The following ZNF160 variants were observed in gnomAD, a reference collection of about 807,000 sequenced individuals.
The protein encoded by ZNF160 is KRAB zinc finger protein KR18.
Under a neutral mutation model 13.1 loss-of-function variants are expected in ZNF160, and 9 were observed. The ratio of observed to expected loss-of-function variants is 0.69; its 90% CI spans 0.41 to 1.20. The LOEUF is 1.20. ZNF160 is among the 50% of genes most tolerant of loss of function. ZNF160 has a pLI of 0.01. For missense variants in ZNF160, 838 were observed against 988.0 expected (o/e 0.85, Z 2.04); for synonymous variants, 293 against 333.2 (o/e 0.88, Z 1.31).
Position 53,070,148 on chromosome 19 carries a change from A to G in ZNF160, c.386T>C (p.Phe129Ser), listed in dbSNP as rs774610872. Residue 129 changes from phenylalanine (F) to serine (S), a missense_variant, in exon 6 of 6, where the codon TTT becomes TCT. Physicochemically the swap from Phe to Ser is radical, Grantham distance 155. Coordinates refer to ENST00000683776, the MANE Select transcript of ZNF160 (RefSeq NM_001322131.2). ...ATTTTTCTGGGGTTCCTTGAAGGAA[A>G]AGTCTTCAATGTCAGGGCTTTCGTG... is the stretch of plus-strand genomic sequence containing the variant. Reference protein sequence around the residue: ...ERHESPDIEDFSFKEPQKNVH... With the variant: ...ERHESPDIEDSSFKEPQKNVH... 1.7e-5 allele frequency: 28 copies of G among 1,614,008 alleles called. No homozygotes were observed. The highest frequency in any genetic ancestry group is 3.4e-6 in the Non-Finnish European group (4 of 1,180,040).
Position 53,074,170 on chromosome 19 carries a change from T to A in ZNF160, c.241A>T (p.Thr81Ser). Residue 81 changes from threonine to serine, a missense_variant, in exon 5 of 6, where the codon ACG (threonine) becomes TCG (serine). Coordinates refer to ENST00000683776, the MANE Select transcript of ZNF160 (RefSeq NM_001322131.2). ...SCVKIARKPR[T>S]PECVKGVVTD... ...ACCACGCCTTTGACACATTCCGGCG[T>A]TCTTGGTTTTCTTGCTATTTTCACA... 1 of 1,613,994 alleles carries A rather than the reference T, an allele frequency of 6.2e-7. No homozygotes were observed. Among genetic ancestry groups the A allele is most frequent in the Non-Finnish European group, 8.5e-7 (1 of 1,179,980 alleles).
chr19:53,084,268 C>A (rs549923313), intron 3 of ZNF160, among the ~76,000 whole-genome samples: 23 of 152,354 alleles, frequency 1.5e-4, no homozygotes, highest in Admixed American at 9.8e-4. Context: ...CACCTGCTCG[C>A]TTCCTCTCCT....
chr19:53,070,930 G>C (rs2084147780), intron 5 of ZNF160, among the ~76,000 whole-genome samples: 3 of 151,974 alleles, frequency 2.0e-5, no homozygotes, highest in Middle Eastern at 3.2e-3. Context: ...AGGTGTGGTG[G>C]CTTATGCCTG....
At chr19:53,088,605 C>T (rs544243641) in intron 2 of ZNF160, among the ~76,000 whole-genome samples, 9 of 151,626 alleles carry the variant, frequency 5.9e-5, no homozygotes, top group African/African-American at 1.2e-4. Flanking sequence ...GTACTTATTA[C>T]AGAGGGAAAT....
chr19:53,083,997 T>G (rs2084733922), intron 3 of ZNF160, among the ~76,000 whole-genome samples: 1 of 152,142 alleles, frequency 6.6e-6, no homozygotes. Context: ...CTTATAACCT[T>G]TTACCTCCCC....
intron 5 of ZNF160, 52 bp downstream of exon 5, chr19:53,074,088 T>C: frequency 6.3e-7 from 1 of 1,581,748 alleles, no homozygotes; most frequent in Admixed American, 1.7e-5. Context: ...CTGTGCCCCC[T>C]CCCACACTCT....
intron 3 of ZNF160, chr19:53,075,530 G>A (rs1339284771): frequency 2.3e-5 from 8 of 350,892 alleles, no homozygotes; most frequent in Admixed American, 4.0e-5. Flanking sequence ...CTGTCCTCTC[G>A]GGAGGACAGA....
In ZNF160 at chr19:53,068,694, T is replaced by C. The variant is rs1224043302; in HGVS notation, c.1840A>G (p.Ile614Val). 1.1e-5 allele frequency: 17 copies of C among 1,614,094 alleles called. No individual in the cohort carries two copies. The highest frequency in any genetic ancestry group is 1.3e-5 in the African/African-American group (1 of 74,946). The change falls in exon 6 of 6, where the codon ATA becomes GTA. Residue 614 changes from isoleucine to valine, a missense_variant. By Grantham distance (29) the Ile-to-Val change is conservative. Coordinates refer to ENST00000683776, the MANE Select transcript of ZNF160 (RefSeq NM_001322131.2). ...DRSSLTFHQA[I>V]HTGEKPYKCH... ...TTGTAAGGTTTCTCTCCAGTATGTA[T>C]TGCCTGATGAAAAGTTAGGCTTGAA...
chr19:53,068,237 C>T lies in ZNF160; in HGVS notation c.2297G>A (p.Cys766Tyr). ...TGEKPYRCTE[C>Y]GKAFRVRSSL... is the part of the protein sequence containing the mutation. ...TGATCTTACCCTAAAGGCTTTCCCA[C>T]ACTCTGTACACCTGTAAGGTTTCTC... The change falls in exon 6 of 6, where the codon TGT (cysteine) becomes TAT (tyrosine). Residue 766 changes from cysteine (C) to tyrosine (Y), a missense_variant. Cys to Tyr is a radical substitution (Grantham distance 194). Coordinates refer to ENST00000683776, the MANE Select transcript of ZNF160 (RefSeq NM_001322131.2). The T allele has an allele frequency of 6.2e-7, 1 of 1,614,180 alleles. No homozygotes were observed. The highest frequency in any genetic ancestry group is 8.5e-7 in the Non-Finnish European group (1 of 1,180,012).
chr19:53,076,028 C>A, intron 3 of ZNF160: 1 of 221,466 alleles, frequency 4.5e-6, no homozygotes, highest in Non-Finnish European at 9.3e-6. Flanking sequence ...GAGGAAAACC[C>A]AATACATCCA....
intron 5 of ZNF160, among the ~76,000 whole-genome samples, chr19:53,072,590 G>A (rs1004869885): frequency 6.6e-6 from 1 of 152,160 alleles, no homozygotes; most frequent in Non-Finnish European, 1.5e-5. Flanking sequence ...AGTGGCTCAT[G>A]TCTGTAATCC....
At chr19:53,088,706 A>C (rs2084932058) in intron 2 of ZNF160, among the ~76,000 whole-genome samples, 1 of 152,092 alleles carries the variant, frequency 6.6e-6, no homozygotes, top group Admixed American at 6.6e-5. Flanking sequence ...GAGAGGAAAA[A>C]AATTGTTCAT....
chr19:53,093,411 C>A (rs1228753304), intron 1 of ZNF160, among the ~76,000 whole-genome samples: 2 of 151,642 alleles, frequency 1.3e-5, no homozygotes, highest in African/African-American at 4.9e-5. Context: ...TGCACTCCAG[C>A]CTGGGCAACA....
At chr19:53,097,657 T>G (rs2085287858) in intron 1 of ZNF160, among the ~76,000 whole-genome samples, 1 of 152,200 alleles carries the variant, frequency 6.6e-6, no homozygotes, top group African/African-American at 2.4e-5. Flanking sequence ...AATGATGCAA[T>G]TAGACCCCAA....
At chr19:53,076,564 A>T (rs2084398642) in intron 3 of ZNF160, among the ~76,000 whole-genome samples, 1 of 152,116 alleles carries the variant, frequency 6.6e-6, no homozygotes, top group Non-Finnish European at 1.5e-5. Flanking sequence ...ACTTAAACCC[A>T]GGAGGTAGAA....
intron 3 of ZNF160, among the ~76,000 whole-genome samples, chr19:53,084,087 G>A (rs1048972960): frequency 6.6e-6 from 1 of 151,842 alleles, no homozygotes; most frequent in African/African-American, 2.4e-5. Flanking sequence ...TTGCCAGGAG[G>A]TTACCTCGAG....
At chr19:53,074,319 C>G in intron 4 of ZNF160, 51 bp from the exon 5 acceptor site, 1 of 1,605,786 alleles carries the variant, frequency 6.2e-7, no homozygotes, top group Non-Finnish European at 8.5e-7. Flanking sequence ...TCCAGAATCC[C>G]AGCCCTATGT....
intron 2 of ZNF160, among the ~76,000 whole-genome samples, chr19:53,087,355 C>T (rs974458059): frequency 2.0e-5 from 3 of 152,182 alleles, no homozygotes; most frequent in African/African-American, 2.4e-5. Context: ...TATTTCCTCA[C>T]CTGTTTTAAG....
chr19:53,086,398 C>T, intron 2 of ZNF160, 77 bp from the exon 3 acceptor site: 2 of 1,285,794 alleles, frequency 1.6e-6, no homozygotes, highest in South Asian at 1.7e-5. Context: ...AGAATCTATA[C>T]ATCCCCTTCA....
Sources: allele counts gnomAD v4.1 joint callset (sites outside exome capture counted in the v4.1 genomes callset), GRCh38; gene constraint gnomAD v4.1.1; transcripts MANE v1.5; gene names NCBI Gene and HGNC (gene_info 2026-07-23, HGNC 2026-07-21).